ALK: variants seen among roughly 807,000 people sequenced by gnomAD.
ALK encodes ALK receptor tyrosine kinase.
In ALK, 74 loss-of-function variants were observed where a neutral mutation model predicts 163.1. The observed-to-expected ratio is 0.45, with a 90% CI of 0.38 to 0.55. ALK has a LOEUF of 0.55. ALK is among the 20% of genes least tolerant of loss of function. The pLI is 0.00. For synonymous variants in ALK, 960 were observed against 843.2 expected, an observed-to-expected ratio of 1.14 and a Z score of -2.40; for missense variants, 2,063 against 2,105.3, an observed-to-expected ratio of 0.98 and a Z score of 0.39.
intron 4 of ALK, among the ~76,000 whole-genome samples, chr2:29,420,156 T>TAAAAAAAA (rs66468654): frequency 1.8e-5 from 2 of 108,764 alleles, no homozygotes; most frequent in Non-Finnish European, 3.5e-5. Context: ...GACCCTGTCT[T>TAAAAAAAA]AAAAAAAAAA....
At chr2:29,598,477 T>C (rs948928370) in intron 3 of ALK, among the ~76,000 whole-genome samples, 8 of 152,216 alleles carry the variant, frequency 5.3e-5, no homozygotes, top group Admixed American at 6.5e-5. Flanking sequence ...AAACAGCTTG[T>C]TCTTATCCTA....
In ALK at chr2:29,223,512, G is replaced by C. The variant is rs1669866903; in HGVS notation, c.3189C>G (p.His1063Gln). The C allele has an allele frequency of 6.2e-7, 1 of 1,613,796 alleles. No homozygotes were observed. Among genetic ancestry groups the C allele is most frequent in the African/African-American group, 1.3e-5 (1 of 74,902 alleles). The change falls in exon 20 of 29, where the codon CAC (histidine) becomes CAG (glutamine). Residue 1063 changes from histidine (H) to glutamine (Q), a missense_variant. By Grantham distance (24) the His-to-Gln change is conservative (BLOSUM62 0). Transcript: ENST00000389048. ...CCATCTGCATGGCTTGCAGCTCCTG[G>C]TGCTTCCGGCGGTACACTGCAGGTG... Reference protein sequence around the residue: ...SGIMIVYRRKHQELQAMQMEL... With the variant: ...SGIMIVYRRKQQELQAMQMEL...
chr2:29,546,615 G>A (rs1673561503), intron 3 of ALK, among the ~76,000 whole-genome samples: 2 of 152,178 alleles, frequency 1.3e-5, no homozygotes, highest in Non-Finnish European at 2.9e-5. Flanking sequence ...CACAAAGTCA[G>A]GTTTTCCCTT....
intron 3 of ALK, among the ~76,000 whole-genome samples, chr2:29,675,248 G>A (rs926030090): frequency 2.6e-5 from 4 of 151,832 alleles, no homozygotes; most frequent in African/African-American, 9.7e-5. Flanking sequence ...AATATACATT[G>A]CTTTTGTAAT....
intron 3 of ALK, among the ~76,000 whole-genome samples, chr2:29,553,128 T>G (rs1054776631): frequency 6.6e-6 from 1 of 152,210 alleles, no homozygotes; most frequent in Non-Finnish European, 1.5e-5. Context: ...TGTTGAAACT[T>G]TATTTCCATT....
intron 1 of ALK, among the ~76,000 whole-genome samples, chr2:29,762,278 C>T (rs561934670): frequency 6.6e-6 from 1 of 152,320 alleles, no homozygotes; most frequent in Non-Finnish European, 1.5e-5. Flanking sequence ...ATTATGAAGC[C>T]TGTCAGAAGC....
intron 13 of ALK, among the ~76,000 whole-genome samples, chr2:29,235,856 C>CTTTTTTTTTTT (rs569363324): frequency 5.2e-5 from 2 of 38,252 alleles, no homozygotes; most frequent in Non-Finnish European, 1.0e-4. Flanking sequence ...CCAGGCTCGA[C>CTTTTTTTTTTT]TTTTTTTTTT....
At chr2:29,742,393 GGAGTT>G (rs1362896623) in intron 1 of ALK, among the ~76,000 whole-genome samples, 1 of 152,208 alleles carries the variant, frequency 6.6e-6, no homozygotes, top group Admixed American at 6.5e-5. Context: ...GACCTGAGCT[GGAGTT>G]GAGAGAAGAG....
At chr2:29,273,943 G>C (rs1465109120) in intron 11 of ALK, among the ~76,000 whole-genome samples, 1 of 152,220 alleles carries the variant, frequency 6.6e-6, no homozygotes, top group Non-Finnish European at 1.5e-5. Context: ...GGGGAAAGCA[G>C]AGAGAGCTGC....
intron 3 of ALK, among the ~76,000 whole-genome samples, chr2:29,613,548 C>A (rs1002797996): frequency 6.6e-6 from 1 of 152,148 alleles, no homozygotes; most frequent in South Asian, 2.1e-4. Context: ...TTCCTTGTTG[C>A]GGACCTCAGC....
At chr2:29,665,375 A>AT (rs770589015) in intron 3 of ALK, among the ~76,000 whole-genome samples, 2 of 151,696 alleles carry the variant, frequency 1.3e-5, no homozygotes, top group Admixed American at 1.3e-4. Context: ...AGCCTACTGT[A>AT]TTTTTTTCAT....
In ALK at chr2:29,228,897, G is replaced by A. The variant is rs751581475; in HGVS notation, c.2802C>T (p.Gly934=). 9 of 1,586,108 alleles carry A rather than the reference G, an allele frequency of 5.7e-6. No individual in the cohort carries two copies. The highest frequency in any genetic ancestry group is 3.3e-5 in the South Asian group (3 of 90,498). Reference sequence around the variant, plus strand: ...AATCATCTTTACCTATATATCCTCCGCCTCCTCCACCTGAGGAGCACCCCC... The same window carrying A: ...AATCATCTTTACCTATATATCCTCCACCTCCTCCACCTGAGGAGCACCCCC... ...GGGGCSSGGG[G]GGYIGGNAAS... Residue 934 remains glycine (G), a synonymous_variant, in exon 16 of 29, where the codon GGC becomes GGT. Transcript: ENST00000389048.
intron 1 of ALK, among the ~76,000 whole-genome samples, chr2:29,794,478 C>A (rs1002855155): frequency 2.0e-5 from 3 of 152,158 alleles, no homozygotes; most frequent in Non-Finnish European, 4.4e-5. Context: ...TTAACTGGCA[C>A]AAGAGGCCTA....
chr2:29,377,431 C>T (rs181113096), intron 5 of ALK, among the ~76,000 whole-genome samples: 343 of 147,680 alleles, frequency 2.3e-3, no homozygotes, highest in African/African-American at 8.0e-3. Flanking sequence ...GCTGAGATGG[C>T]GCCACTGTAC....
At chr2:29,682,471 C>T (rs10200505) in intron 3 of ALK, among the ~76,000 whole-genome samples, 24,122 of 152,142 alleles carry the variant, frequency 0.16, 4,607 homozygotes, top group African/African-American at 0.46. Flanking sequence ...GGAGAGATAG[C>T]AGTGACTGCA....
At chr2:29,862,670 GTCT>G (rs912636969) in intron 1 of ALK, among the ~76,000 whole-genome samples, 2 of 152,074 alleles carry the variant, frequency 1.3e-5, no homozygotes, top group Non-Finnish European at 2.9e-5. Context: ...TTAGAAGAAT[GTCT>G]TCTTAAAATG....
At chr2:29,910,718 C>T (rs1667678864) in intron 1 of ALK, among the ~76,000 whole-genome samples, 1 of 152,146 alleles carries the variant, frequency 6.6e-6, no homozygotes, top group Non-Finnish European at 1.5e-5. Context: ...AAAGTGCTAT[C>T]CACCTGAAAG....
At position 29,233,585 on chromosome 2, in the gene ALK, C is replaced by T. The variant is rs2148184454; in HGVS notation, c.2467G>A (p.Gly823Arg). ...CATACCTTAAATACGTAGGTGGCTC[C>T]ACCCCCTCCTCCTCCGCCTCCTGCC... ...EWAGGGGGGG[G>R]ATYVFKMKDG... The change falls in exon 14 of 29, where the codon GGA becomes AGA. Residue 823 changes from glycine to arginine, a missense_variant. Around this residue, in one of 5 missense-constraint regions of ALK, gnomAD observed 575 missense variants for 626.6 expected, o/e 0.92. Transcript: ENST00000389048. 6.2e-7 allele frequency: 1 copy of T among 1,614,214 alleles called. No homozygotes were observed. The highest frequency in any genetic ancestry group is 1.1e-5 in the South Asian group (1 of 91,080).
intron 1 of ALK, among the ~76,000 whole-genome samples, chr2:29,833,729 C>T (rs547643320): frequency 3.3e-5 from 5 of 152,294 alleles, no homozygotes; most frequent in East Asian, 1.9e-4. Context: ...AAGGTGACAC[C>T]GTTCATAGGT....
Sources: allele counts gnomAD v4.1 joint callset (sites outside exome capture counted in the v4.1 genomes callset), GRCh38; gene constraint gnomAD v4.1.1; regional missense constraint gnomAD v4.1.1; transcripts MANE v1.5; gene names NCBI Gene and HGNC (gene_info 2026-07-23, HGNC 2026-07-21).